Variants in CRB1 observed in about 807,000 individuals in gnomAD.
CRB1 encodes crumbs cell polarity complex component 1.
A neutral mutation model predicts 120.0 loss-of-function variants in CRB1; 83 were observed. The ratio of observed to expected loss-of-function variants is 0.69; its 90% CI spans 0.58 to 0.83. The LOEUF is 0.83. Among genes scored for constraint, CRB1 ranks in the 40% least tolerant of loss-of-function variants. The pLI is 0.00. For synonymous variants in CRB1, 625 were observed against 612.5 expected (o/e 1.02, Z -0.30); for missense variants, 1,699 against 1,687.6 (o/e 1.01, Z -0.12).
At chr1:197,477,428 G>A in intron 11 of CRB1, 1 of 597,388 alleles carries the variant, frequency 1.7e-6, no homozygotes, top group South Asian at 1.6e-5. Flanking sequence ...AGCAAATATA[G>A]TAGGTATTTC....
chr1:197,339,138 CG>C, intron 2 of CRB1, among the ~76,000 whole-genome samples: 1 of 152,290 alleles, frequency 6.6e-6, no homozygotes, highest in South Asian at 2.1e-4. Context: ...TTGGCTAAAA[CG>C]CCAAAGATGT....
intron 5 of CRB1, chr1:197,357,973 C>T (rs1053280519): frequency 2.6e-5 from 4 of 152,180 alleles, no homozygotes; most frequent in Non-Finnish European, 4.4e-5. Flanking sequence ...TTTCCCTGAA[C>T]AACTTCTATC....
chr1:197,270,776 A>C (rs1431507271), intron 1 of CRB1, among the ~76,000 whole-genome samples: 1 of 152,280 alleles, frequency 6.6e-6, no homozygotes, highest in Admixed American at 6.5e-5. Context: ...GAACCTGGAG[A>C]TCTGGCTCTG....
At chr1:197,293,573 A>C (rs1001507942) in intron 1 of CRB1, among the ~76,000 whole-genome samples, 1 of 152,138 alleles carries the variant, frequency 6.6e-6, no homozygotes, top group African/African-American at 2.4e-5. Context: ...TTTAAAGTTC[A>C]TATGGAACCA....
the CRB1 span, among the ~76,000 whole-genome samples, chr1:197,215,670 TC>T: frequency 1.3e-5 from 2 of 152,050 alleles, no homozygotes; most frequent in Non-Finnish European, 2.9e-5. Flanking sequence ...AAGGGACTTT[TC>T]CCCCTTTTAC....
chr1:197,290,265 C>CAT (rs10632386), intron 1 of CRB1, among the ~76,000 whole-genome samples: 1 of 136,898 alleles, frequency 7.3e-6, no homozygotes, highest in Non-Finnish European at 1.6e-5. Context: ...TGTTCCCTTT[C>CAT]GTGTGTGTGT....
intron 1 of CRB1, among the ~76,000 whole-genome samples, chr1:197,305,110 CT>C (rs1445563949): frequency 6.6e-6 from 1 of 152,036 alleles, no homozygotes; most frequent in Non-Finnish European, 1.5e-5. Flanking sequence ...TTTTTATGTC[CT>C]GCTCTGAAAC....
At chr1:197,410,453 C>T (rs1372174143) in intron 5 of CRB1, among the ~76,000 whole-genome samples, 2 of 152,096 alleles carry the variant, frequency 1.3e-5, no homozygotes, top group African/African-American at 4.8e-5. Context: ...ATGATGAAAT[C>T]TAACTATGTT....
chr1:197,367,751 C>T (rs1661151390), intron 5 of CRB1, among the ~76,000 whole-genome samples: 1 of 152,226 alleles, frequency 6.6e-6, no homozygotes, highest in Non-Finnish European at 1.5e-5. Context: ...TCCCTGGTCT[C>T]TGGAACGCTA....
intron 1 of CRB1, among the ~76,000 whole-genome samples, chr1:197,303,190 G>A (rs1656972353): frequency 6.6e-6 from 1 of 150,882 alleles, no homozygotes; most frequent in South Asian, 2.1e-4. Flanking sequence ...GTGCAGGTTA[G>A]TTACATATGT....
intron 5 of CRB1, among the ~76,000 whole-genome samples, chr1:197,394,291 T>C (rs2125420230): frequency 6.6e-6 from 1 of 152,222 alleles, no homozygotes; most frequent in Admixed American, 6.5e-5. Context: ...ATAACATGTT[T>C]TCCTCTGAAT....
At chr1:197,252,600 G>A in the CRB1 span, among the ~76,000 whole-genome samples, 1 of 119,316 alleles carries the variant, frequency 8.4e-6, no homozygotes, top group African/African-American at 2.9e-5. Context: ...GTGTGTGTGT[G>A]TGTGTGTGTG....
At chr1:197,313,860 A>G (rs145411404) in intron 1 of CRB1, among the ~76,000 whole-genome samples, 3 of 152,324 alleles carry the variant, frequency 2.0e-5, no homozygotes, top group African/African-American at 7.2e-5. Context: ...TATCTCGCCT[A>G]TTGTGAACAG....
At chr1:197,460,672 T>C (rs1435996109) in intron 11 of CRB1, among the ~76,000 whole-genome samples, 1 of 152,156 alleles carries the variant, frequency 6.6e-6, no homozygotes, top group African/African-American at 2.4e-5. Context: ...ACACAGTTCA[T>C]TTAACCTCAA....
At chr1:197,445,798 T>C (rs1665672684) in intron 11 of CRB1, among the ~76,000 whole-genome samples, 1 of 152,240 alleles carries the variant, frequency 6.6e-6, no homozygotes, top group Non-Finnish European at 1.5e-5. Context: ...AAATGTTTAA[T>C]GTATGTCTAC....
the CRB1 span, among the ~76,000 whole-genome samples, chr1:197,232,610 A>G: frequency 1.3e-5 from 2 of 152,174 alleles, no homozygotes; most frequent in Non-Finnish European, 2.9e-5. Flanking sequence ...GGCTGAGGCC[A>G]GTTGCTTTAG....
chr1:197,255,627 A>G, the CRB1 span, among the ~76,000 whole-genome samples: 1 of 152,054 alleles, frequency 6.6e-6, no homozygotes, highest in Non-Finnish European at 1.5e-5. Flanking sequence ...AGAAAAAAGG[A>G]CGCTTCTGCC....
the CRB1 span, among the ~76,000 whole-genome samples, chr1:197,204,869 T>A: frequency 1.3e-4 from 20 of 152,332 alleles, 1 homozygote; most frequent in East Asian, 1.4e-3. Context: ...CTATAAGAGT[T>A]TTTCCAATGT....
At chr1:197,220,357 A>G in the CRB1 span, among the ~76,000 whole-genome samples, 2 of 152,372 alleles carry the variant, frequency 1.3e-5, no homozygotes, top group South Asian at 4.1e-4. Flanking sequence ...GAAGTAAAAT[A>G]AAATGTGGAC....
Sources: gnomAD v4.1 joint callset for allele counts (sites outside exome capture counted in the v4.1 genomes callset) on GRCh38, gnomAD v4.1.1 for gene constraint, MANE v1.5 for transcripts, NCBI Gene and HGNC (gene_info 2026-07-23, HGNC 2026-07-21) for gene names.